Variants in ENOX1 observed in about 807,000 individuals in gnomAD.
The protein encoded by ENOX1 is candidate growth-related and time keeping constitutive hydroquinone (NADH) oxidase.
Under a neutral mutation model 82.5 loss-of-function variants are expected in ENOX1, and 42 were observed. The ratio of observed to expected loss-of-function variants is 0.51; its 90% CI spans 0.40 to 0.66. The LOEUF (loss-of-function observed/expected upper bound fraction) is 0.66, where lower values mean the gene tolerates loss of function less well. Among genes scored for constraint, ENOX1 ranks in the 30% least tolerant of loss-of-function variants. ENOX1 has a pLI of 0.00. For synonymous variants in ENOX1, 271 were observed against 282.2 expected (o/e 0.96, Z 0.40); for missense variants, 608 against 811.6 (o/e 0.75, Z 3.05).
At chr13:43,534,630 C>G (rs2078373616) in intron 2 of ENOX1, among the ~76,000 whole-genome samples, 1 of 152,008 alleles carries the variant, frequency 6.6e-6, no homozygotes, top group Admixed American at 6.6e-5. Flanking sequence ...CCAAGATGAC[C>G]ACAGTAGGAA....
At chr13:43,744,338 C>T (rs768497444) in intron 1 of ENOX1, among the ~76,000 whole-genome samples, 3 of 152,134 alleles carry the variant, frequency 2.0e-5, no homozygotes, top group Non-Finnish European at 4.4e-5. Context: ...CAGTTCAAGA[C>T]CCTAATAAAC....
At chr13:43,618,585 T>C (rs2082586159) in intron 2 of ENOX1, among the ~76,000 whole-genome samples, 1 of 152,196 alleles carries the variant, frequency 6.6e-6, no homozygotes, top group Non-Finnish European at 1.5e-5. Flanking sequence ...CTCTATTCTG[T>C]TTCATTGGTC....
intron 1 of ENOX1, among the ~76,000 whole-genome samples, chr13:43,785,529 T>C (rs1952520266): frequency 6.6e-6 from 1 of 152,168 alleles, no homozygotes; most frequent in African/African-American, 2.4e-5. Context: ...ACAAATGCAA[T>C]CTTAACAAAA....
At chr13:43,287,298 G>A (rs958859914) in intron 12 of ENOX1, among the ~76,000 whole-genome samples, 2 of 152,142 alleles carry the variant, frequency 1.3e-5, no homozygotes, top group East Asian at 1.9e-4. Flanking sequence ...GACTTGTCCC[G>A]ACTAACTCTG....
At chr13:43,335,520 C>A (rs2153537525) in intron 9 of ENOX1, among the ~76,000 whole-genome samples, 1 of 152,208 alleles carries the variant, frequency 6.6e-6, no homozygotes, top group South Asian at 2.1e-4. Flanking sequence ...TGATGTGGGG[C>A]AGTGGCTAGA....
intron 2 of ENOX1, among the ~76,000 whole-genome samples, chr13:43,623,505 G>A (rs1437163905): frequency 6.6e-6 from 1 of 152,072 alleles, no homozygotes; most frequent in African/African-American, 2.4e-5. Flanking sequence ...CTTCTTCCAC[G>A]AACAGACCTT....
At chr13:43,570,571 A>C (rs1238246547) in intron 2 of ENOX1, among the ~76,000 whole-genome samples, 1 of 152,208 alleles carries the variant, frequency 6.6e-6, no homozygotes, top group Non-Finnish European at 1.5e-5. Context: ...ATGAAAGCTA[A>C]ACAGATGAGA....
intron 1 of ENOX1, among the ~76,000 whole-genome samples, chr13:43,698,826 T>C (rs1380005485): frequency 1.3e-5 from 2 of 152,196 alleles, no homozygotes; most frequent in Non-Finnish European, 2.9e-5. Context: ...AGAAAGAACA[T>C]GAGTCATATA....
chr13:43,415,032 C>T (rs2054358421), intron 3 of ENOX1, among the ~76,000 whole-genome samples: 1 of 152,054 alleles, frequency 6.6e-6, no homozygotes, highest in South Asian at 2.1e-4. Context: ...TCCTGGAGAC[C>T]CATCGTTTCT....
intron 2 of ENOX1, among the ~76,000 whole-genome samples, chr13:43,501,543 A>AATCAT (rs1463181288): frequency 6.6e-6 from 1 of 151,766 alleles, no homozygotes; most frequent in African/African-American, 2.4e-5. Flanking sequence ...AAAAGATTAA[A>AATCAT]ATCATACCAA....
chr13:43,238,878 G>T (rs191121922), intron 14 of ENOX1, among the ~76,000 whole-genome samples: 159 of 152,240 alleles, frequency 1.0e-3, no homozygotes, highest in Non-Finnish European at 1.4e-3. Flanking sequence ...GAAGATCCAG[G>T]TTCATTGAGG....
chr13:43,290,239 C>A (rs925334218), intron 12 of ENOX1, among the ~76,000 whole-genome samples: 2 of 152,060 alleles, frequency 1.3e-5, no homozygotes, highest in South Asian at 2.1e-4. Flanking sequence ...TACGTAAAGG[C>A]AAAGAAATCA....
intron 14 of ENOX1, among the ~76,000 whole-genome samples, chr13:43,263,744 A>C (rs2044213486): frequency 6.6e-6 from 1 of 152,254 alleles, no homozygotes; most frequent in African/African-American, 2.4e-5. Flanking sequence ...ACAAACCAGG[A>C]AACTGAGGCC....
chr13:43,721,523 C>T (rs7996038), intron 1 of ENOX1, among the ~76,000 whole-genome samples: 105,279 of 148,142 alleles, frequency 0.71, 41,100 homozygotes, highest in South Asian at 0.88. Flanking sequence ...GGACTACAGG[C>T]GCCCGCCACT....
intron 9 of ENOX1, among the ~76,000 whole-genome samples, chr13:43,328,571 T>C (rs2048245271): frequency 6.6e-6 from 1 of 152,076 alleles, no homozygotes; most frequent in Non-Finnish European, 1.5e-5. Context: ...AAGAAAAGTA[T>C]ATCTGTTCAT....
At chr13:43,455,586 T>C (rs2057187838) in intron 3 of ENOX1, among the ~76,000 whole-genome samples, 1 of 152,200 alleles carries the variant, frequency 6.6e-6, no homozygotes, top group Non-Finnish European at 1.5e-5. Context: ...TGGAACCTCA[T>C]GGATTAATCC....
At chr13:43,500,664 G>A (rs1328821021) in intron 2 of ENOX1, among the ~76,000 whole-genome samples, 1 of 151,744 alleles carries the variant, frequency 6.6e-6, no homozygotes, top group Non-Finnish European at 1.5e-5. Context: ...GCTGGTAAAG[G>A]TAAATACACA....
At chr13:43,315,332 G>A (rs2047417122) in intron 11 of ENOX1, among the ~76,000 whole-genome samples, 1 of 152,196 alleles carries the variant, frequency 6.6e-6, no homozygotes, top group African/African-American at 2.4e-5. Context: ...TAGAATCACA[G>A]GTGAGCATTT....
At chr13:43,541,935 A>C (rs145794763) in intron 2 of ENOX1, among the ~76,000 whole-genome samples, 113 of 152,250 alleles carry the variant, frequency 7.4e-4, no homozygotes, top group Non-Finnish European at 1.5e-3. Context: ...TAGTTATAAA[A>C]GTTATGTCAA....
Sources: gnomAD v4.1 joint callset for allele counts (sites outside exome capture counted in the v4.1 genomes callset) on GRCh38, gnomAD v4.1.1 for gene constraint, MANE v1.5 for transcripts, NCBI Gene and HGNC (gene_info 2026-07-23, HGNC 2026-07-21) for gene names.